FAM13A: variants seen among roughly 807,000 people sequenced by gnomAD.
FAM13A encodes protein FAM13A.
In FAM13A, 76 loss-of-function variants were observed where a neutral mutation model predicts 129.6. That is an observed-to-expected ratio of 0.59 (90% confidence interval 0.49 to 0.71). FAM13A has a LOEUF of 0.71. Ranked by LOEUF, FAM13A falls within the 30% of genes least tolerant of loss-of-function variation. FAM13A has a pLI of 0.00. For synonymous variants in FAM13A, 443 were observed against 449.9 expected, an observed-to-expected ratio of 0.98 and a Z score of 0.20; for missense variants, 1,108 against 1,249.3, an observed-to-expected ratio of 0.89 and a Z score of 1.70.
intron 6 of FAM13A, among the ~76,000 whole-genome samples, chr4:88,894,837 A>G (rs1746012864): frequency 1.3e-5 from 2 of 152,200 alleles, no homozygotes; most frequent in Admixed American, 6.5e-5. Flanking sequence ...TAATTTTTCA[A>G]TAGTGTTAAT....
At chr4:88,772,475 C>T (rs150220546) in intron 11 of FAM13A, among the ~76,000 whole-genome samples, 5 of 152,294 alleles carry the variant, frequency 3.3e-5, no homozygotes, top group African/African-American at 1.2e-4. Context: ...CTCTCGTGAT[C>T]TGGTACAACC....
At chr4:88,958,458 TC>T (rs1240367731) in intron 4 of FAM13A, among the ~76,000 whole-genome samples, 1 of 152,182 alleles carries the variant, frequency 6.6e-6, no homozygotes, top group African/African-American at 2.4e-5. Flanking sequence ...CAGCCATAGC[TC>T]AAAGGAGCCC....
chr4:88,798,962 A>T (rs1279340145), intron 8 of FAM13A, among the ~76,000 whole-genome samples: 2 of 152,206 alleles, frequency 1.3e-5, no homozygotes, highest in African/African-American at 4.8e-5. Context: ...AAGAGGTAAA[A>T]ATATGAAGAA....
chr4:88,773,926 C>G (rs1385372896), intron 11 of FAM13A, among the ~76,000 whole-genome samples: 1 of 152,142 alleles, frequency 6.6e-6, no homozygotes, highest in Non-Finnish European at 1.5e-5. Context: ...TCTCAATCCT[C>G]TGTGGCTCCT....
intron 3 of FAM13A, among the ~76,000 whole-genome samples, chr4:89,015,090 A>G (rs1766288570): frequency 6.6e-6 from 1 of 152,178 alleles, no homozygotes; most frequent in South Asian, 2.1e-4. Flanking sequence ...AAGGGATGAA[A>G]TAAGCCCTGG....
chr4:88,786,562 A>G (rs368103380), intron 10 of FAM13A, among the ~76,000 whole-genome samples: 48 of 152,272 alleles, frequency 3.2e-4, no homozygotes, highest in Middle Eastern at 6.8e-3. Context: ...TACTTTTTCT[A>G]TTTTCTAAAT....
At chr4:89,021,321 A>T (rs1381134829) in intron 2 of FAM13A, among the ~76,000 whole-genome samples, 1 of 152,166 alleles carries the variant, frequency 6.6e-6, no homozygotes, top group Non-Finnish European at 1.5e-5. Context: ...GAAACCAATG[A>T]AGCTTGAGCT....
At chr4:88,731,290 C>CGGGGGGGAAGGGAGGGT in intron 23 of FAM13A, 37 bp downstream of exon 23, 4 of 741,192 alleles carry the variant, frequency 5.4e-6, no homozygotes, top group Non-Finnish European at 7.3e-6. Context: ...TGTGGTGCGG[C>CGGGGGGGAAGGGAGGGT]GGGGGGGAAG....
intron 6 of FAM13A, among the ~76,000 whole-genome samples, chr4:88,902,000 A>G (rs1747374152): frequency 6.6e-6 from 1 of 152,190 alleles, no homozygotes; most frequent in South Asian, 2.1e-4. Flanking sequence ...TAAACTAGAA[A>G]ATCTAGAAGA....
At chr4:88,949,045 T>A (rs1009551131) in intron 4 of FAM13A, among the ~76,000 whole-genome samples, 1 of 152,190 alleles carries the variant, frequency 6.6e-6, no homozygotes, top group Non-Finnish European at 1.5e-5. Context: ...CTACAATAAC[T>A]TTTTTTACAA....
At chr4:88,956,732 C>T (rs78205032) in intron 4 of FAM13A, among the ~76,000 whole-genome samples, 2,138 of 152,266 alleles carry the variant, frequency 0.014, 54 homozygotes, top group African/African-American at 0.048. Flanking sequence ...GAATCTGTTA[C>T]CCTCACTTTC....
In FAM13A at chr4:88,749,890, C is replaced by A. The variant is rs199631652; in HGVS notation, c.1960G>T (p.Gly654Trp). Residue 654 changes from glycine to tryptophan, a missense_variant, in exon 16 of 24, where the codon GGG (glycine) becomes TGG (tryptophan). Gly to Trp is a radical substitution (Grantham distance 184). Around this residue, in one of 3 missense-constraint regions of FAM13A, gnomAD observed 529 missense variants for 621.2 expected, o/e 0.85. Coordinates refer to ENST00000264344, the MANE Select transcript of FAM13A (RefSeq NM_014883.4). Reference protein sequence around the residue: ...SFMRRRSSSLGSYDDEQEDLT... With the variant: ...SFMRRRSSSLWSYDDEQEDLT... ...TCCTCTTGCTCATCATCATAGGACC[C>A]CAGAGAGGAGCTTCGCCGCCTGTGA... 1 of 1,613,880 alleles carries A rather than the reference C, an allele frequency of 6.2e-7. No homozygotes were observed. Among genetic ancestry groups the A allele is most frequent in the East Asian group, 2.2e-5 (1 of 44,880 alleles).
intron 3 of FAM13A, among the ~76,000 whole-genome samples, chr4:89,018,771 G>A (rs1358270409): frequency 6.6e-6 from 1 of 152,232 alleles, no homozygotes; most frequent in East Asian, 1.9e-4. Flanking sequence ...AGGGTCATCA[G>A]ATTATCACTT....
chr4:88,983,353 GAAA>G (rs935603237), intron 4 of FAM13A, among the ~76,000 whole-genome samples: 6 of 151,892 alleles, frequency 4.0e-5, no homozygotes, highest in Non-Finnish European at 7.4e-5. Context: ...ATTCAACAAG[GAAA>G]AATAAAACCT....
At chr4:88,972,299 CTTTTTT>C (rs57674045) in intron 4 of FAM13A, among the ~76,000 whole-genome samples, 192 of 137,562 alleles carry the variant, frequency 1.4e-3, no homozygotes, top group Middle Eastern at 3.8e-3. Context: ...TTCTCCTTCA[CTTTTTT>C]TTTTTTTTTT....
At chr4:88,995,719 C>T (rs1005743141) in intron 3 of FAM13A, among the ~76,000 whole-genome samples, 1 of 152,118 alleles carries the variant, frequency 6.6e-6, no homozygotes, top group Admixed American at 6.5e-5. Flanking sequence ...TGTGGGACTT[C>T]ACCTTGTGAT....
intron 6 of FAM13A, among the ~76,000 whole-genome samples, chr4:88,866,237 G>A (rs1033331617): frequency 4.6e-5 from 7 of 151,934 alleles, no homozygotes; most frequent in African/African-American, 1.2e-4. Flanking sequence ...TAGTAGAGAC[G>A]CGGTTTTGCC....
At chr4:89,019,277 C>T (rs558378542) in intron 3 of FAM13A, among the ~76,000 whole-genome samples, 96 of 152,268 alleles carry the variant, frequency 6.3e-4, no homozygotes, top group African/African-American at 2.2e-3. Context: ...TACACCACTG[C>T]TGTAAAGGAA....
chr4:88,844,055 G>A (rs1027797760), intron 7 of FAM13A, among the ~76,000 whole-genome samples: 2 of 152,188 alleles, frequency 1.3e-5, no homozygotes, highest in African/African-American at 4.8e-5. Context: ...AGAAAGGTCA[G>A]TGTTCTCATC....
Sources: allele counts gnomAD v4.1 joint callset (sites outside exome capture counted in the v4.1 genomes callset), GRCh38; gene constraint gnomAD v4.1.1; regional missense constraint gnomAD v4.1.1; transcripts MANE v1.5; gene names NCBI Gene and HGNC (gene_info 2026-07-23, HGNC 2026-07-21).